Variants in CDKAL1 observed in about 807,000 individuals in gnomAD.
CDKAL1 encodes threonylcarbamoyladenosine tRNA methylthiotransferase.
A neutral mutation model predicts 68.2 loss-of-function variants in CDKAL1; 32 were observed. The ratio of observed to expected loss-of-function variants is 0.47; its 90% CI spans 0.35 to 0.63. The LOEUF is 0.63. CDKAL1 is among the 30% of genes least tolerant of loss of function. The pLI, the probability that CDKAL1 is intolerant of heterozygous loss-of-function variation, is 0.00. For missense variants in CDKAL1, 606 were observed against 696.7 expected, an observed-to-expected ratio of 0.87 and a Z score of 1.47; for synonymous variants, 234 against 244.3, an observed-to-expected ratio of 0.96 and a Z score of 0.39.
intron 10 of CDKAL1, among the ~76,000 whole-genome samples, chr6:20,982,643 A>G (rs1766216382): frequency 6.6e-6 from 1 of 152,062 alleles, no homozygotes; most frequent in African/African-American, 2.4e-5. Flanking sequence ...TGTTACAAAA[A>G]TTACAAAATT....
At chr6:21,042,140 C>G (rs985279875) in intron 11 of CDKAL1, among the ~76,000 whole-genome samples, 2 of 152,218 alleles carry the variant, frequency 1.3e-5, no homozygotes, top group East Asian at 1.9e-4. Context: ...TTGAGGCACT[C>G]AAGTCTTAAT....
At chr6:21,057,455 C>CA (rs35560899) in intron 11 of CDKAL1, among the ~76,000 whole-genome samples, 39,834 of 141,944 alleles carry the variant, frequency 0.28, 5,558 homozygotes, top group South Asian at 0.37. Context: ...TTTATTTTTT[C>CA]AAAAAAAAAA....
intron 7 of CDKAL1, among the ~76,000 whole-genome samples, chr6:20,767,394 G>C (rs1774747636): frequency 6.6e-6 from 1 of 151,986 alleles, no homozygotes; most frequent in South Asian, 2.1e-4. Flanking sequence ...ATATAAAATA[G>C]AAACCAGGTC....
intron 4 of CDKAL1, among the ~76,000 whole-genome samples, chr6:20,618,722 A>T (rs1767041176): frequency 6.6e-6 from 1 of 151,840 alleles, no homozygotes; most frequent in South Asian, 2.1e-4. Context: ...TCTGTCACCC[A>T]GGCTGGAGTG....
chr6:20,740,177 G>A (rs1773385517), intron 6 of CDKAL1, among the ~76,000 whole-genome samples: 1 of 152,132 alleles, frequency 6.6e-6, no homozygotes, highest in Non-Finnish European at 1.5e-5. Flanking sequence ...TTAGCCTCAT[G>A]CGAATAGTTT....
intron 11 of CDKAL1, among the ~76,000 whole-genome samples, chr6:21,035,440 CAT>C (rs1769522187): frequency 1.3e-5 from 2 of 151,982 alleles, no homozygotes; most frequent in African/African-American, 2.4e-5. Flanking sequence ...GTAGCTCACT[CAT>C]ATTTGAGACA....
At chr6:20,970,372 G>A (rs1765531491) in intron 10 of CDKAL1, among the ~76,000 whole-genome samples, 1 of 152,120 alleles carries the variant, frequency 6.6e-6, no homozygotes, top group South Asian at 2.1e-4. Context: ...CACCCAGATT[G>A]CTGCAAACCT....
intron 9 of CDKAL1, among the ~76,000 whole-genome samples, chr6:20,889,484 C>T (rs967699830): frequency 5.3e-5 from 8 of 151,996 alleles, no homozygotes; most frequent in African/African-American, 1.9e-4. Context: ...AGGTTTTCTT[C>T]TAGGGTTTTT....
At position 20,616,098 on chromosome 6, in the gene CDKAL1, C is replaced by T. The variant is rs1229101890; in HGVS notation, c.287-33195C>T. Among the ~76,000 whole-genome samples, 279 of 147,878 alleles carry T rather than the reference C, an allele frequency of 1.9e-3. 1 individual carries two copies. The highest frequency in any genetic ancestry group is 7.0e-3 in the Middle Eastern group (2 of 286). The stretch of plus-strand genomic sequence containing the variant: ...CAAAGATCAGATAGTTGTAGATATG[C>T]GGCGTTATTTCTGAGGGCTCTGTTC... On this transcript the variant is annotated intron_variant, in intron 4 of 15. Transcript: ENST00000274695.
At chr6:20,549,328 A>G (rs1763725051) in intron 4 of CDKAL1, among the ~76,000 whole-genome samples, 1 of 152,120 alleles carries the variant, frequency 6.6e-6, no homozygotes, top group African/African-American at 2.4e-5. Flanking sequence ...CAGAAGCGAT[A>G]CTATATTTTT....
intron 13 of CDKAL1, among the ~76,000 whole-genome samples, chr6:21,192,031 T>TTTTTTTTTTTTTC (rs1562104946): frequency 8.6e-6 from 1 of 116,102 alleles, no homozygotes; most frequent in African/African-American, 3.5e-5. Context: ...TTTTTTTTTT[T>TTTTTTTTTTTTTC]TGAGACGGAG....
At chr6:21,029,476 C>T (rs114719395) in intron 11 of CDKAL1, among the ~76,000 whole-genome samples, 111 of 152,130 alleles carry the variant, frequency 7.3e-4, no homozygotes, top group African/African-American at 2.5e-3. Context: ...GTGGTCTTGG[C>T]AAATGGGATC....
Position 20,680,146 on chromosome 6 carries a change from C to T in CDKAL1, c.371+30769C>T, listed in dbSNP as rs180983020. On this transcript the variant is annotated intron_variant, in intron 5 of 15. Coordinates refer to ENST00000274695, the MANE Select transcript of CDKAL1 (RefSeq NM_017774.3). Reference sequence around the variant, plus strand: ...GTAGTGGCGTAATCTTGGTTTACTACAGCCTCCACCTCCCAGGTCAAGTGT... The same window carrying T: ...GTAGTGGCGTAATCTTGGTTTACTATAGCCTCCACCTCCCAGGTCAAGTGT... Among the ~76,000 whole-genome samples the T allele has an allele frequency of 1.6e-3, 236 of 152,202 alleles. 1 individual carries two copies. Among genetic ancestry groups the T allele is most frequent in the Admixed American group, 2.7e-3 (42 of 15,284 alleles).
At chr6:20,713,242 T>G (rs1170827034) in intron 5 of CDKAL1, among the ~76,000 whole-genome samples, 1 of 152,218 alleles carries the variant, frequency 6.6e-6, no homozygotes, top group Non-Finnish European at 1.5e-5. Flanking sequence ...AAGTTTTGAT[T>G]GAATTAATTA....
intron 5 of CDKAL1, among the ~76,000 whole-genome samples, chr6:20,667,405 C>T (rs542350846): frequency 3.9e-5 from 6 of 152,128 alleles, no homozygotes; most frequent in East Asian, 1.9e-4. Context: ...TGAATGGGTG[C>T]GAATGTACCT....
Position 20,693,652 on chromosome 6 carries a change from C to T in CDKAL1, c.371+44275C>T, listed in dbSNP as rs111278874. Among the ~76,000 whole-genome samples the T allele has an allele frequency of 2.6e-4, 40 of 152,312 alleles. 1 individual carries two copies. The highest frequency in any genetic ancestry group is 1.9e-3 in the South Asian group (9 of 4,832). On this transcript the variant is annotated intron_variant, in intron 5 of 15. Coordinates refer to ENST00000274695, the MANE Select transcript of CDKAL1 (RefSeq NM_017774.3). ...GCACACAGCAGCAGCCTTGCTTTCT[C>T]GCCTATGGCTTTCTGAAAGTTGAGA...
intron 9 of CDKAL1, among the ~76,000 whole-genome samples, chr6:20,856,059 C>A (rs1561834776): frequency 2.0e-5 from 3 of 152,144 alleles, no homozygotes; most frequent in African/African-American, 7.2e-5. Context: ...AGTTTATGTC[C>A]TTTGGAGGAA....
intron 9 of CDKAL1, among the ~76,000 whole-genome samples, chr6:20,849,790 T>A (rs918801354): frequency 2.0e-5 from 3 of 152,134 alleles, no homozygotes; most frequent in African/African-American, 7.2e-5. Flanking sequence ...AGTATGACAG[T>A]TACCTTTCAT....
chr6:21,076,032 T>C (rs1772053828), intron 12 of CDKAL1, among the ~76,000 whole-genome samples: 1 of 152,172 alleles, frequency 6.6e-6, no homozygotes, highest in African/African-American at 2.4e-5. Context: ...GGCAATATCT[T>C]TGATTATATG....
Sources: gnomAD v4.1 joint callset for allele counts (sites outside exome capture counted in the v4.1 genomes callset) on GRCh38, gnomAD v4.1.1 for gene constraint, MANE v1.5 for transcripts, NCBI Gene and HGNC (gene_info 2026-07-23, HGNC 2026-07-21) for gene names.